The following PDE7B variants were observed in gnomAD, a reference collection of about 807,000 sequenced individuals.
The protein encoded by PDE7B is phosphodiesterase 7B.
In PDE7B, 29 loss-of-function variants were observed where a neutral mutation model predicts 56.2. The observed-to-expected ratio is 0.52, with a 90% CI of 0.38 to 0.70. The LOEUF (loss-of-function observed/expected upper bound fraction) is 0.70. PDE7B is among the 30% of genes least tolerant of loss of function. The pLI is 0.00. For missense variants in PDE7B, 490 were observed against 565.0 expected, an observed-to-expected ratio of 0.87 and a Z score of 1.35; for synonymous variants, 197 against 196.9, an observed-to-expected ratio of 1.00 and a Z score of 0.00.
intron 2 of PDE7B, among the ~76,000 whole-genome samples, chr6:136,090,128 C>A (rs1298166255): frequency 6.6e-6 from 1 of 152,074 alleles, no homozygotes; most frequent in East Asian, 1.9e-4. Flanking sequence ...TCACAAGCGA[C>A]TGTTCTTTTT....
intron 2 of PDE7B, among the ~76,000 whole-genome samples, chr6:136,061,517 C>A (rs1478185527): frequency 6.6e-6 from 1 of 151,972 alleles, no homozygotes; most frequent in Non-Finnish European, 1.5e-5. Context: ...TCTCTCCCAC[C>A]CCCATATAAG....
intron 3 of PDE7B, among the ~76,000 whole-genome samples, chr6:136,125,238 C>T (rs562708344): frequency 1.1e-4 from 16 of 151,970 alleles, no homozygotes; most frequent in Non-Finnish European, 1.5e-4. Context: ...GTAATTAGCA[C>T]GTCAAATCTG....
chr6:136,084,866 G>A (rs542511452), intron 2 of PDE7B, among the ~76,000 whole-genome samples: 5 of 152,224 alleles, frequency 3.3e-5, no homozygotes, highest in South Asian at 2.1e-4. Flanking sequence ...ATAATTTGCA[G>A]GGGGTTCATT....
intron 2 of PDE7B, among the ~76,000 whole-genome samples, chr6:135,966,853 G>T (rs1775004625): frequency 6.6e-6 from 1 of 152,108 alleles, no homozygotes; most frequent in African/African-American, 2.4e-5. Context: ...AAATATAATT[G>T]TCCACTCAGT....
chr6:135,900,654 A>G (rs749466331), intron 1 of PDE7B, among the ~76,000 whole-genome samples: 8 of 152,076 alleles, frequency 5.3e-5, no homozygotes, highest in South Asian at 4.1e-4. Context: ...TTCAGGAGCC[A>G]AATATTAAAT....
At chr6:135,940,225 C>A (rs1384728529) in intron 1 of PDE7B, among the ~76,000 whole-genome samples, 1 of 152,160 alleles carries the variant, frequency 6.6e-6, no homozygotes, top group Non-Finnish European at 1.5e-5. Flanking sequence ...GGAGTCCTCT[C>A]TTTTACCAGA....
At chr6:135,948,661 T>A (rs538088118) in intron 2 of PDE7B, among the ~76,000 whole-genome samples, 1 of 152,096 alleles carries the variant, frequency 6.6e-6, no homozygotes, top group Non-Finnish European at 1.5e-5. Context: ...CAGTTCTATG[T>A]TTTTATTTTA....
At chr6:135,914,304 A>G in intron 1 of PDE7B, among the ~76,000 whole-genome samples, 1 of 151,792 alleles carries the variant, frequency 6.6e-6, no homozygotes, top group Admixed American at 6.6e-5. Context: ...ACACAAGCAG[A>G]ATCTAGAACA....
intron 1 of PDE7B, among the ~76,000 whole-genome samples, chr6:135,908,446 C>A (rs1247946928): frequency 6.6e-6 from 1 of 151,956 alleles, no homozygotes; most frequent in African/African-American, 2.4e-5. Context: ...AAACTATTGT[C>A]ATCACCTATT....
intron 1 of PDE7B, among the ~76,000 whole-genome samples, chr6:135,880,126 C>CCTGACATTG (rs1775579486): frequency 6.6e-6 from 1 of 152,138 alleles, no homozygotes; most frequent in Non-Finnish European, 1.5e-5. Context: ...CAAACCACAT[C>CCTGACATTG]CTGACATTGC....
At chr6:136,133,561 T>G (rs1047963631) in intron 3 of PDE7B, among the ~76,000 whole-genome samples, 1 of 152,158 alleles carries the variant, frequency 6.6e-6, no homozygotes, top group African/African-American at 2.4e-5. Flanking sequence ...AGCCAGATAA[T>G]GTACTACAAT....
chr6:135,866,214 A>G (rs1775258586), intron 1 of PDE7B, among the ~76,000 whole-genome samples: 1 of 152,166 alleles, frequency 6.6e-6, no homozygotes, highest in African/African-American at 2.4e-5. Flanking sequence ...AAAATTGTTT[A>G]GAATTTTTTA....
chr6:136,077,050 C>T (rs1436265505), intron 2 of PDE7B, among the ~76,000 whole-genome samples: 1 of 145,186 alleles, frequency 6.9e-6, no homozygotes, highest in Non-Finnish European at 1.5e-5. Flanking sequence ...TGCCAGGGAG[C>T]CTGGAGGATG....
intron 2 of PDE7B, among the ~76,000 whole-genome samples, chr6:135,990,148 T>G (rs1258262719): frequency 6.8e-6 from 1 of 147,316 alleles, no homozygotes; most frequent in East Asian, 2.0e-4. Context: ...CAGGCTGGAG[T>G]GCAATGGCAC....
intron 2 of PDE7B, among the ~76,000 whole-genome samples, chr6:136,008,669 T>G (rs1562468010): frequency 6.6e-6 from 1 of 152,238 alleles, no homozygotes; most frequent in South Asian, 2.1e-4. Context: ...TCGCCCACTT[T>G]TCGATGGGGT....
At chr6:136,175,977 T>C (rs1005525816) in intron 9 of PDE7B, among the ~76,000 whole-genome samples, 7 of 152,118 alleles carry the variant, frequency 4.6e-5, no homozygotes, top group African/African-American at 1.7e-4. Context: ...TTGACATATA[T>C]GTATGTATAT....
intron 1 of PDE7B, among the ~76,000 whole-genome samples, chr6:135,906,968 C>T (rs1776127750): frequency 6.6e-6 from 1 of 151,626 alleles, no homozygotes; most frequent in African/African-American, 2.4e-5. Context: ...CTAAATTGAC[C>T]CCTAATTGCC....
chr6:136,124,526 C>CA (rs1777989186), intron 3 of PDE7B, among the ~76,000 whole-genome samples: 1 of 152,194 alleles, frequency 6.6e-6, no homozygotes, highest in African/African-American at 2.4e-5. Flanking sequence ...TCCCCTGAGG[C>CA]CAAGTTTCAG....
chr6:136,167,667 T>C (rs973500769), intron 8 of PDE7B, among the ~76,000 whole-genome samples: 4 of 152,174 alleles, frequency 2.6e-5, no homozygotes, highest in African/African-American at 9.6e-5. Flanking sequence ...CACCACTAGT[T>C]TCTTGTCTGT....
Sources: gnomAD v4.1 joint callset for allele counts (sites outside exome capture counted in the v4.1 genomes callset) on GRCh38, gnomAD v4.1.1 for gene constraint, MANE v1.5 for transcripts, NCBI Gene and HGNC (gene_info 2026-07-23, HGNC 2026-07-21) for gene names.